Variants in DNAH8 observed in about 807,000 individuals in gnomAD.
DNAH8 encodes the protein axonemal beta dynein heavy chain 8.
Under a neutral mutation model 562.1 loss-of-function variants are expected in DNAH8, and 382 were observed. That is an observed-to-expected ratio of 0.68 (90% CI 0.63 to 0.74). DNAH8 has a LOEUF of 0.74. Ranked by LOEUF, DNAH8 falls within the 30% of genes least tolerant of loss-of-function variation. The probability of loss-of-function intolerance (pLI) is 0.00; values close to 1 mark genes in which losing one functional copy is unlikely to be tolerated. For synonymous variants in DNAH8, 1,881 were observed against 1,919.4 expected, an observed-to-expected ratio of 0.98 and a Z score of 0.52; for missense variants, 5,203 against 5,620.4, an observed-to-expected ratio of 0.93 and a Z score of 2.37.
intron 82 of DNAH8, among the ~76,000 whole-genome samples, chr6:38,964,994 G>GCAC (rs1217054287): frequency 6.7e-4 from 102 of 152,148 alleles, no homozygotes; most frequent in African/African-American, 2.2e-3. Context: ...AACCCTGGAG[G>GCAC]TGGAGGTTGC....
intron 56 of DNAH8, 83 bp from the exon 57 acceptor site, chr6:38,886,708 A>G: frequency 9.3e-7 from 1 of 1,075,456 alleles, no homozygotes; most frequent in Non-Finnish European, 1.4e-6. Flanking sequence ...GTTTTCTTCT[A>G]ATCTCATTTG....
chr6:38,776,124 C>A (rs1320831701), intron 13 of DNAH8, among the ~76,000 whole-genome samples, 173 bp downstream of exon 13: 1 of 151,730 alleles, frequency 6.6e-6, no homozygotes, highest in Non-Finnish European at 1.5e-5. Flanking sequence ...AACTACTCCA[C>A]TAAAGGATTT....
chr6:38,808,425 T>A (rs1451073182), intron 24 of DNAH8, among the ~76,000 whole-genome samples: 1 of 152,188 alleles, frequency 6.6e-6, no homozygotes, highest in African/African-American at 2.4e-5. Context: ...TGCATTTTCC[T>A]GGTTACTGAT....
intron 28 of DNAH8, 104 bp from the exon 29 acceptor site, chr6:38,826,052 A>G (rs1293563504): frequency 7.1e-6 from 5 of 699,882 alleles, no homozygotes; most frequent in East Asian, 5.5e-5. Flanking sequence ...TTCAAAAGCC[A>G]CATGTGGTTA....
Position 38,906,301 on chromosome 6 carries a change from A to C in DNAH8, c.9242A>C (p.Lys3081Thr), listed in dbSNP as rs1420664838. ...ACAGATGATTTAAAAGCTTTGTACA[A>C]AGTTGCTGGTGCTGATGGAAAAGGC... ...NLTDDLKALY[K>T]VAGADGKGIT... Residue 3081 changes from lysine to threonine, a missense_variant, in exon 63 of 93, where the codon AAA becomes ACA. By Grantham distance (78) the Lys-to-Thr change is moderately conservative. Coordinates refer to ENST00000327475, the MANE Select transcript of DNAH8 (RefSeq NM_001206927.2). 13 of 1,608,346 alleles carry C rather than the reference A, an allele frequency of 8.1e-6. No homozygotes were observed. The South Asian group carries it at 1.4e-4, about 18-fold the overall frequency.
chr6:38,865,677 C>T (rs574326503), intron 45 of DNAH8, among the ~76,000 whole-genome samples: 132 of 152,286 alleles, frequency 8.7e-4, no homozygotes, highest in South Asian at 2.7e-3. Context: ...CTTTGCATCT[C>T]GCAGTGTAGA....
Position 39,030,218 on chromosome 6 carries a change from CA to C in DNAH8, c.13951del (p.Ile4651SerfsTer28), listed in dbSNP as rs759763460. 1 of 1,614,164 alleles carries C rather than the reference CA, an allele frequency of 6.2e-7. No individual in the cohort carries two copies. Among genetic ancestry groups the C allele is most frequent in the East Asian group, 2.2e-5 (1 of 44,878 alleles). ...VLFTQLPVLH[I>X]FAINSTAPKD... is the part of the protein sequence containing the mutation. ...TCTTCACGCAGTTACCCGTGCTCCA[CA>C]TCTTTGCCATTAACTCCACGGCACC... On this transcript the variant is annotated frameshift_variant, in exon 93 of 93. Coordinates refer to ENST00000327475, the MANE Select transcript of DNAH8 (RefSeq NM_001206927.2). LOFTEE classifies it high-confidence loss of function.
intron 21 of DNAH8, 103 bp downstream of exon 21, chr6:38,791,777 G>A: frequency 8.2e-7 from 1 of 1,224,696 alleles, no homozygotes. Flanking sequence ...GTAGCATTTA[G>A]ACTTTTTTTT....
intron 21 of DNAH8, among the ~76,000 whole-genome samples, chr6:38,798,283 A>G (rs1244151754): frequency 6.6e-6 from 1 of 152,242 alleles, no homozygotes; most frequent in Non-Finnish European, 1.5e-5. Context: ...CACAAGGTTA[A>G]TTTTGTAGAA....
intron 9 of DNAH8, among the ~76,000 whole-genome samples, chr6:38,752,356 G>A (rs973849249): frequency 2.0e-5 from 3 of 152,206 alleles, no homozygotes. Context: ...TAGAGACAAG[G>A]TTTCGCCACA....
Position 38,848,674 on chromosome 6 carries a change from T to C in DNAH8, c.5072T>C (p.Ile1691Thr). 1 of 1,611,198 alleles carries C rather than the reference T, an allele frequency of 6.2e-7. No homozygotes were observed. Among genetic ancestry groups the C allele is most frequent in the Non-Finnish European group, 8.5e-7 (1 of 1,177,872 alleles). ...TACAATGCTCCATTTAAAAAAAATA[T>C]CCAGAATTGGGTGTATAAATTGTCC... ...NRYNAPFKKN[I>T]QNWVYKLSTS... Residue 1691 changes from isoleucine to threonine, a missense_variant, in exon 37 of 93, where the codon ATC (isoleucine) becomes ACC (threonine). Ile to Thr is a moderately conservative substitution (Grantham distance 89, BLOSUM62 -1). This residue lies in a region of DNAH8 where 2,176 missense variants were observed against 2,365.1 expected (regional missense o/e 0.92). Coordinates refer to ENST00000327475, the MANE Select transcript of DNAH8 (RefSeq NM_001206927.2).
intron 76 of DNAH8, among the ~76,000 whole-genome samples, chr6:38,934,448 G>C (rs921121433): frequency 6.6e-6 from 1 of 152,072 alleles, no homozygotes; most frequent in East Asian, 1.9e-4. Context: ...ACAGATGAAG[G>C]CTGTGCCATG....
At chr6:38,806,947 AG>A (rs1236284555) in intron 23 of DNAH8, among the ~76,000 whole-genome samples, 2 of 152,094 alleles carry the variant, frequency 1.3e-5, no homozygotes, top group Admixed American at 6.6e-5. Flanking sequence ...CCAGTCTCAG[AG>A]GGGCCGGGTT....
chr6:39,024,476 C>T (rs1189052667), intron 91 of DNAH8, among the ~76,000 whole-genome samples: 3 of 152,000 alleles, frequency 2.0e-5, no homozygotes, highest in Admixed American at 1.3e-4. Context: ...TCATATATAC[C>T]ATTGACTGGA....
chr6:38,815,123 GTCTGTAATT>G (rs1160516232), intron 25 of DNAH8, among the ~76,000 whole-genome samples: 1 of 152,148 alleles, frequency 6.6e-6, no homozygotes, highest in Non-Finnish European at 1.5e-5. Context: ...CTAACACATA[GTCTGTAATT>G]TCCCACTGCA....
intron 3 of DNAH8, among the ~76,000 whole-genome samples, chr6:38,725,756 T>A (rs1257268994): frequency 6.6e-6 from 1 of 152,164 alleles, no homozygotes; most frequent in African/African-American, 2.4e-5. Context: ...GGTTTGATGA[T>A]CTTTTGTCAC....
At chr6:38,994,303 A>G (rs1267704652) in intron 88 of DNAH8, among the ~76,000 whole-genome samples, 1 of 152,094 alleles carries the variant, frequency 6.6e-6, no homozygotes, top group African/African-American at 2.4e-5. Flanking sequence ...TGGATTGCAA[A>G]TATTTTTCTC....
intron 32 of DNAH8, among the ~76,000 whole-genome samples, chr6:38,837,062 C>A (rs1774364162): frequency 1.3e-5 from 2 of 152,138 alleles, no homozygotes; most frequent in Non-Finnish European, 2.9e-5. Flanking sequence ...TCATTCAGTA[C>A]ATTTATTGAA....
chr6:38,945,674 A>G lies in DNAH8; in HGVS notation c.12129+86A>G, dbSNP rs777213086. ...CTTAAACTGGGGCTTCCTGGCAGCA[A>G]TTCCTTCACCCAAAAAAGTCAACCC... On this transcript the variant is annotated intron_variant, in intron 80 of 92. Coordinates refer to ENST00000327475, the MANE Select transcript of DNAH8 (RefSeq NM_001206927.2). The G allele has an allele frequency of 2.6e-6, 4 of 1,563,390 alleles. No homozygotes were observed. In the South Asian group the frequency reaches 4.5e-5, roughly 18 times the overall value.
Sources: gnomAD v4.1 joint callset for allele counts (sites outside exome capture counted in the v4.1 genomes callset) on GRCh38, gnomAD v4.1.1 for gene constraint, gnomAD v4.1.1 regional missense constraint, MANE v1.5 for transcripts, NCBI Gene and HGNC (gene_info 2026-07-23, HGNC 2026-07-21) for gene names.